Variants in RBM47 observed in about 807,000 individuals in gnomAD.
The protein encoded by RBM47 is RNA binding motif protein 47.
RBM47 carries 21 observed loss-of-function variants against 47.1 expected under a neutral mutation model. The ratio of observed to expected loss-of-function variants is 0.45; its 90% CI spans 0.32 to 0.64. The LOEUF (loss-of-function observed/expected upper bound fraction) is 0.64. Ranked by LOEUF, RBM47 falls within the 30% of genes least tolerant of loss-of-function variation. RBM47 has a pLI of 0.05. For synonymous variants in RBM47, 375 were observed against 361.7 expected, an observed-to-expected ratio of 1.04 and a Z score of -0.42; for missense variants, 708 against 870.9, an observed-to-expected ratio of 0.81 and a Z score of 2.35.
At chr4:40,535,685 G>A (rs1329016739) in intron 2 of RBM47, among the ~76,000 whole-genome samples, 3 of 151,936 alleles carry the variant, frequency 2.0e-5, no homozygotes, top group South Asian at 2.1e-4. Context: ...TCAGTCTACC[G>A]AGTAGCTGGG....
At chr4:40,583,785 G>A (rs1197791968) in intron 1 of RBM47, among the ~76,000 whole-genome samples, 3 of 150,740 alleles carry the variant, frequency 2.0e-5, no homozygotes, top group Admixed American at 6.6e-5. Context: ...GTGAACCCGG[G>A]AGGCAGAGCT....
chr4:40,474,554 C>T lies in RBM47; in HGVS notation c.-154-7855G>A, dbSNP rs571003371. ...AACTGAAATTCTTGGATATTTAATA[C>T]TTTGTGATATGTACATTAAAAAATT... is the stretch of plus-strand genomic sequence containing the variant. On this transcript the variant is annotated intron_variant, in intron 2 of 6. Coordinates refer to ENST00000295971, the MANE Select transcript of RBM47 (RefSeq NM_001098634.2). 1.4e-4 allele frequency among the ~76,000 whole-genome samples: 22 copies of T among 152,274 alleles called. No individual in the cohort carries two copies. The East Asian group carries it at 4.0e-3, about 28-fold the overall frequency.
At chr4:40,509,441 G>C (rs1370081037) in intron 2 of RBM47, among the ~76,000 whole-genome samples, 1 of 152,034 alleles carries the variant, frequency 6.6e-6, no homozygotes, top group African/African-American at 2.4e-5. Flanking sequence ...GTTATCCATA[G>C]AAATTTACAT....
chr4:40,475,383 A>G (rs1034025078), intron 2 of RBM47, among the ~76,000 whole-genome samples: 1 of 152,234 alleles, frequency 6.6e-6, no homozygotes, highest in Non-Finnish European at 1.5e-5. Flanking sequence ...CATAGTTTAA[A>G]TAACAGGAAA....
chr4:40,522,367 T>C (rs187661229), intron 2 of RBM47, among the ~76,000 whole-genome samples: 2 of 152,050 alleles, frequency 1.3e-5, no homozygotes, highest in Non-Finnish European at 2.9e-5. Flanking sequence ...TAGCCCGGCG[T>C]GGTGGCAGGC....
chr4:40,443,853 TG>T (rs1714087602), intron 3 of RBM47, among the ~76,000 whole-genome samples: 1 of 151,634 alleles, frequency 6.6e-6, no homozygotes, highest in East Asian at 1.9e-4. Context: ...ATAAATTATA[TG>T]GTGTGCTACT....
chr4:40,550,056 T>A (rs1176724559), intron 1 of RBM47, among the ~76,000 whole-genome samples: 2 of 152,156 alleles, frequency 1.3e-5, no homozygotes, highest in African/African-American at 4.8e-5. Flanking sequence ...TCCCTCTCCA[T>A]GAATATTAGC....
intron 1 of RBM47, among the ~76,000 whole-genome samples, chr4:40,578,788 G>A (rs1356984603): frequency 6.6e-6 from 1 of 152,214 alleles, no homozygotes; most frequent in East Asian, 1.9e-4. Context: ...CGCACACAAA[G>A]TGCTTGGCAC....
intron 2 of RBM47, among the ~76,000 whole-genome samples, chr4:40,509,814 C>T (rs1301954048): frequency 6.6e-5 from 10 of 151,444 alleles, no homozygotes; most frequent in Admixed American, 5.3e-4. Context: ...GCCCGGGAGG[C>T]GGAGCTTGCA....
At chr4:40,560,876 G>T (rs1730543981) in intron 1 of RBM47, among the ~76,000 whole-genome samples, 1 of 151,678 alleles carries the variant, frequency 6.6e-6, no homozygotes. Context: ...TGAGGCAGGA[G>T]AATCACTTGC....
intron 2 of RBM47, chr4:40,542,577 C>G (rs6818815): frequency 0.087 from 13,253 of 152,332 alleles, 1,031 homozygotes; most frequent in African/African-American, 0.21. Flanking sequence ...GCAATCTTGG[C>G]TCACTGTAGC....
intron 5 of RBM47, among the ~76,000 whole-genome samples, chr4:40,433,559 T>G (rs542558819): frequency 1.3e-5 from 2 of 152,202 alleles, no homozygotes; most frequent in Non-Finnish European, 2.9e-5. Context: ...ATCAGAGGCT[T>G]GAAGCCTACT....
intron 1 of RBM47, among the ~76,000 whole-genome samples, chr4:40,617,490 C>T (rs568859942): frequency 3.8e-4 from 58 of 151,960 alleles, no homozygotes; most frequent in Admixed American, 1.2e-3. Context: ...ACCTGGGAGG[C>T]AGAGGTTGCA....
chr4:40,446,516 T>C (rs10020866), intron 3 of RBM47, among the ~76,000 whole-genome samples: 25,595 of 151,948 alleles, frequency 0.17, 2,329 homozygotes, highest in Middle Eastern at 0.24. Flanking sequence ...GGCAGGAGAA[T>C]TGCTTGAGCT....
chr4:40,619,876 C>T (rs1737093049), intron 1 of RBM47, among the ~76,000 whole-genome samples: 1 of 152,186 alleles, frequency 6.6e-6, no homozygotes, highest in East Asian at 1.9e-4. Context: ...CAGTGTCCAG[C>T]ACACAGTAGC....
intron 2 of RBM47, among the ~76,000 whole-genome samples, chr4:40,521,426 C>G (rs1726180913): frequency 6.6e-6 from 1 of 152,186 alleles, no homozygotes; most frequent in Non-Finnish European, 1.5e-5. Flanking sequence ...GTCTTGAACT[C>G]CTGACCTCAG....
intron 5 of RBM47, among the ~76,000 whole-genome samples, chr4:40,433,181 G>C (rs993403185): frequency 2.0e-5 from 3 of 152,070 alleles, no homozygotes; most frequent in African/African-American, 7.2e-5. Flanking sequence ...GGCTGGTCTT[G>C]AACTCCTGAG....
intron 1 of RBM47, among the ~76,000 whole-genome samples, chr4:40,626,548 T>C (rs1737754595): frequency 6.6e-6 from 1 of 152,176 alleles, no homozygotes; most frequent in Non-Finnish European, 1.5e-5. Context: ...ACCTGTTTCT[T>C]GGCCGTTTAT....
intron 2 of RBM47, chr4:40,475,644 A>G (rs766195858): frequency 3.9e-5 from 6 of 152,156 alleles, no homozygotes; most frequent in Admixed American, 1.3e-4. Context: ...TTAACCAAAC[A>G]CAGTTACCTC....
Sources: gnomAD v4.1 joint callset for allele counts (sites outside exome capture counted in the v4.1 genomes callset) on GRCh38, gnomAD v4.1.1 for gene constraint, MANE v1.5 for transcripts, NCBI Gene and HGNC (gene_info 2026-07-23, HGNC 2026-07-21) for gene names.